C8orf89: variants seen among roughly 807,000 people sequenced by gnomAD.
The protein encoded by C8orf89 is putative uncharacterized protein C8orf89.
C8orf89 carries 14 observed loss-of-function variants against 15.8 expected under a neutral mutation model. The observed-to-expected ratio is 0.89, with a 90% CI of 0.59 to 1.39. C8orf89 has a LOEUF of 1.39. Among genes scored for constraint, C8orf89 ranks in the 40% most tolerant of loss-of-function variants. The probability of loss-of-function intolerance (pLI) is 0.00; values close to 1 mark genes in which losing one functional copy is unlikely to be tolerated. For synonymous variants in C8orf89, 55 were observed against 62.2 expected, an observed-to-expected ratio of 0.88 and a Z score of 0.54; for missense variants, 181 against 184.5, an observed-to-expected ratio of 0.98 and a Z score of 0.11.
intron 2 of C8orf89, among the ~76,000 whole-genome samples, chr8:73,255,119 G>C (rs1430872381): frequency 1.3e-5 from 2 of 151,630 alleles, no homozygotes; most frequent in Non-Finnish European, 3.0e-5. Flanking sequence ...TTGACAAATG[G>C]GATCTAATTA....
the C8orf89 span, among the ~76,000 whole-genome samples, chr8:73,275,601 T>A: frequency 6.6e-6 from 1 of 152,238 alleles, no homozygotes; most frequent in South Asian, 2.1e-4. Flanking sequence ...AATTTTTACT[T>A]CCCTAAAAGT....
At chr8:73,257,250 T>G in intron 1 of C8orf89, 124 bp from the exon 2 acceptor site, 1 of 612,638 alleles carries the variant, frequency 1.6e-6, no homozygotes, top group East Asian at 3.0e-5. Context: ...CAACTGTAAT[T>G]TAGCATCTTT....
At chr8:73,274,764 G>A in the C8orf89 span, among the ~76,000 whole-genome samples, 2 of 152,090 alleles carry the variant, frequency 1.3e-5, no homozygotes, top group Non-Finnish European at 2.9e-5. Context: ...TGAGTTGTTT[G>A]ATATCTTATT....
the C8orf89 span, among the ~76,000 whole-genome samples, chr8:73,273,629 T>A: frequency 2.0e-5 from 3 of 152,032 alleles, no homozygotes; most frequent in African/African-American, 7.2e-5. Flanking sequence ...GGAGTCAGGC[T>A]CCTAGGTGGA....
At chr8:73,246,115 T>C (rs763482301) in intron 3 of C8orf89, among the ~76,000 whole-genome samples, 3 of 152,138 alleles carry the variant, frequency 2.0e-5, no homozygotes, top group Non-Finnish European at 4.4e-5. Context: ...TATAAACAAA[T>C]AATAAATCAT....
the C8orf89 span, among the ~76,000 whole-genome samples, chr8:73,268,001 C>T: frequency 6.6e-6 from 1 of 152,086 alleles, no homozygotes; most frequent in African/African-American, 2.4e-5. Flanking sequence ...AGATCTAACT[C>T]CTGATTTAGA....
chr8:73,271,481 G>A, the C8orf89 span, among the ~76,000 whole-genome samples: 4 of 152,194 alleles, frequency 2.6e-5, no homozygotes, highest in South Asian at 2.1e-4. Flanking sequence ...CTCTTTGCAC[G>A]TGCCCACTTC....
At chr8:73,276,468 ACAC>A in the C8orf89 span, among the ~76,000 whole-genome samples, 2 of 152,072 alleles carry the variant, frequency 1.3e-5, no homozygotes, top group Non-Finnish European at 2.9e-5. Context: ...GTAAGCCACC[ACAC>A]CCAGCCTTCT....
Position 73,250,913 on chromosome 8 carries a change from G to A in C8orf89, c.282-590C>T, listed in dbSNP as rs533138772. Among the ~76,000 whole-genome samples the A allele has an allele frequency of 3.6e-4, 54 of 151,796 alleles. No individual in the cohort carries two copies. In the South Asian group the frequency reaches 7.5e-3, roughly 21 times the overall value. ...TCCTAGGCTCAAGCAATTTTCCTGCGTCAGCTTCTTGAGTAGCTGGGATGG... is the reference window on the plus strand; with the variant it reads ...TCCTAGGCTCAAGCAATTTTCCTGCATCAGCTTCTTGAGTAGCTGGGATGG... On this transcript the variant is annotated intron_variant, in intron 2 of 3. Transcript: ENST00000624510.
chr8:73,242,335 G>A (rs1027956732), intron 3 of C8orf89, among the ~76,000 whole-genome samples: 12 of 152,112 alleles, frequency 7.9e-5, no homozygotes, highest in African/African-American at 2.9e-4. Flanking sequence ...ATGGGCAAAA[G>A]GGGTGGCTCA....
Position 73,243,674 on chromosome 8 carries a change from C to T in C8orf89, c.338-2069G>A, listed in dbSNP as rs201710112. ...CCTCCTGAGTAGCTGGGACTACAGG[C>T]GTGTGCCATCATGCCCAGCTAGTTT... On this transcript the variant is annotated intron_variant, in intron 3 of 3. Coordinates refer to ENST00000624510, the MANE Select transcript of C8orf89 (RefSeq NM_001243237.3). 4.1e-4 allele frequency among the ~76,000 whole-genome samples: 63 copies of T among 152,098 alleles called. 1 individual carries two copies. The highest frequency in any genetic ancestry group is 1.5e-4 in the Non-Finnish European group (10 of 67,988).
chr8:73,265,483 T>A, the C8orf89 span, among the ~76,000 whole-genome samples: 1 of 152,204 alleles, frequency 6.6e-6, no homozygotes, highest in Non-Finnish European at 1.5e-5. Context: ...AGTTGTTAAT[T>A]CTCAGGAAAG....
At chr8:73,262,797 A>G (rs912496412), upstream of C8orf89, among the ~76,000 whole-genome samples, 3 of 148,214 alleles carry the variant, frequency 2.0e-5, no homozygotes, top group Admixed American at 1.4e-4. Context: ...AGCTTGGGCA[A>G]CAGAGTAAGA....
the C8orf89 span, chr8:73,277,839 A>T: frequency 1.4e-6 from 1 of 708,460 alleles, no homozygotes; most frequent in East Asian, 3.0e-5. Context: ...TTCTTTTCCC[A>T]TAGCTGCTTT....
chr8:73,243,284 TA>T (rs1813048072), intron 3 of C8orf89, among the ~76,000 whole-genome samples: 2 of 152,310 alleles, frequency 1.3e-5, no homozygotes, highest in African/African-American at 4.8e-5. Flanking sequence ...GATCTAATCG[TA>T]TATTTAAAAA....
chr8:73,270,968 C>T, the C8orf89 span, among the ~76,000 whole-genome samples: 268 of 152,268 alleles, frequency 1.8e-3, 2 homozygotes, highest in Middle Eastern at 6.8e-3. Flanking sequence ...AACTTCACAG[C>T]CTGTGAATCA....
At chr8:73,243,907 T>C (rs1027886472) in intron 3 of C8orf89, among the ~76,000 whole-genome samples, 1 of 152,168 alleles carries the variant, frequency 6.6e-6, no homozygotes, top group Non-Finnish European at 1.5e-5. Context: ...TATTTAATTA[T>C]ATAAAATTAC....
rs1175568771 is a variant in C8orf89 at position 73,259,428 on chromosome 8, C to T, written c.31G>A (p.Glu11Lys). 2 of 1,534,066 alleles carry T rather than the reference C, an allele frequency of 1.3e-6. No individual in the cohort carries two copies. The highest frequency in any genetic ancestry group is 2.4e-5 in the East Asian group (1 of 40,826). The part of the protein sequence containing the change: MSVLSPEIKC[E>K]TSKFTRSSFG... Reference sequence around the variant, plus strand: ...GAACTTCTGGTGAATTTAGAAGTCTCACATTTGATTTCAGGAGATAGCACT... The same window carrying T: ...GAACTTCTGGTGAATTTAGAAGTCTTACATTTGATTTCAGGAGATAGCACT... The change falls in exon 1 of 4, where the codon GAG becomes AAG. Residue 11 changes from glutamate (E) to lysine (K), a missense_variant. Transcript: ENST00000624510.
At chr8:73,283,999 G>A in the C8orf89 span, among the ~76,000 whole-genome samples, 6 of 150,162 alleles carry the variant, frequency 4.0e-5, no homozygotes, top group Non-Finnish European at 5.9e-5. Flanking sequence ...CCAGGACCGC[G>A]CCATGGCACT....
Sources: gnomAD v4.1 joint callset for allele counts (sites outside exome capture counted in the v4.1 genomes callset) on GRCh38, gnomAD v4.1.1 for gene constraint, MANE v1.5 for transcripts, NCBI Gene and HGNC (gene_info 2026-07-23, HGNC 2026-07-21) for gene names.